EEF1AKMT2: variants seen among roughly 807,000 people sequenced by gnomAD.
EEF1AKMT2 encodes the protein eukaryotic translation elongation factor 1 alpha lysine methyltransferase 2.
EEF1AKMT2 carries 32 observed loss-of-function variants against 35.8 expected under a neutral mutation model. The observed-to-expected ratio is 0.89, with a 90% CI of 0.67 to 1.20. EEF1AKMT2 has a LOEUF of 1.20. Among genes scored for constraint, EEF1AKMT2 ranks in the 50% most tolerant of loss-of-function variants. EEF1AKMT2 has a pLI of 0.00. For synonymous variants in EEF1AKMT2, 121 were observed against 133.7 expected, an observed-to-expected ratio of 0.91 and a Z score of 0.65; for missense variants, 330 against 347.5, an observed-to-expected ratio of 0.95 and a Z score of 0.40.
At chr10:124,775,922 C>CTT (rs1265971518) in intron 3 of EEF1AKMT2, among the ~76,000 whole-genome samples, 2 of 144,824 alleles carry the variant, frequency 1.4e-5, no homozygotes, top group Non-Finnish European at 1.5e-5. Context: ...CCGGTTCCTT[C>CTT]TTTTTTTTTT....
At chr10:124,757,376 G>T (rs1950294989), downstream of EEF1AKMT2, among the ~76,000 whole-genome samples, 1 of 151,482 alleles carries the variant, frequency 6.6e-6, no homozygotes, top group Admixed American at 6.6e-5. Flanking sequence ...GATTTTCATT[G>T]TAGGCTACCA....
rs747074881 is a variant in EEF1AKMT2, at chr10:124,774,657, A to C, written c.399+18T>G. On this transcript the variant is annotated intron_variant, in intron 4 of 6. Coordinates refer to ENST00000368836, the MANE Select transcript of EEF1AKMT2 (RefSeq NM_212554.4). ...TAACCTCTATTGTAAATATTATAGTAATATAAATAATAGTTACCTTTAACT... is the reference window on the plus strand; with the variant it reads ...TAACCTCTATTGTAAATATTATAGTCATATAAATAATAGTTACCTTTAACT... 1.6e-6 allele frequency: 2 copies of C among 1,218,378 alleles called. No homozygotes were observed. Among genetic ancestry groups the C allele is most frequent in the Non-Finnish European group, 2.2e-6 (2 of 917,416 alleles). The allele number at this position is 1,218,378 out of a possible 1,614,324, so 75.5% of individuals were successfully genotyped here.
chr10:124,771,454 C>T (rs1356510496), intron 4 of EEF1AKMT2, among the ~76,000 whole-genome samples: 1 of 152,156 alleles, frequency 6.6e-6, no homozygotes, highest in Non-Finnish European at 1.5e-5. Flanking sequence ...GAATCACTAT[C>T]TATGACATCC....
chr10:124,782,379 G>A (rs888228693), intron 3 of EEF1AKMT2, among the ~76,000 whole-genome samples: 4 of 151,816 alleles, frequency 2.6e-5, no homozygotes, highest in African/African-American at 9.7e-5. Flanking sequence ...TCAGGAGATC[G>A]AGACCATCCT....
rs560570630 is a variant in EEF1AKMT2 at position 124,774,976 on chromosome 10, C to T, written c.292-194G>A. 551 of 241,594 alleles carry T rather than the reference C, an allele frequency of 2.3e-3. 2 individuals are homozygous for T. Among genetic ancestry groups the T allele is most frequent in the African/African-American group, 0.012 (513 of 44,566 alleles). The allele number at this position is 241,594 out of a possible 1,614,324, so 15.0% of individuals were successfully genotyped here. A position where few individuals can be genotyped will look rare whatever the true frequency, so the allele number is the denominator to read the frequency against. On this transcript the variant is annotated intron_variant, in intron 3 of 6. Transcript: ENST00000368836. ...GAAAGTGTATATACTATGACAATAC[C>T]TTTGTTTTCATAATATTTTATCTCT...
intron 3 of EEF1AKMT2, among the ~76,000 whole-genome samples, chr10:124,788,710 T>TTTTATATA (rs1414544581): frequency 2.2e-5 from 2 of 92,576 alleles, no homozygotes; most frequent in African/African-American, 6.7e-5. Context: ...AAGGTCATCT[T>TTTTATATA]TATATATATA....
chr10:124,775,976 G>A (rs938535829), intron 3 of EEF1AKMT2, among the ~76,000 whole-genome samples: 9 of 150,876 alleles, frequency 6.0e-5, no homozygotes, highest in African/African-American at 2.0e-4. Flanking sequence ...GCAATGCAGT[G>A]GCACGATCTC....
chr10:124,779,760 A>G (rs1163695105), intron 3 of EEF1AKMT2, among the ~76,000 whole-genome samples: 2 of 131,906 alleles, frequency 1.5e-5, no homozygotes, highest in African/African-American at 2.9e-5. Context: ...AAAAAAAAAA[A>G]AAAAAAAAAA....
intron 2 of EEF1AKMT2, among the ~76,000 whole-genome samples, chr10:124,790,050 C>G (rs1421128201): frequency 6.6e-6 from 1 of 152,050 alleles, no homozygotes; most frequent in East Asian, 1.9e-4. Flanking sequence ...CGCCACCATG[C>G]CTGGCTAATT....
intron 3 of EEF1AKMT2, among the ~76,000 whole-genome samples, chr10:124,781,602 A>C (rs1589790585): frequency 1.4e-5 from 2 of 141,504 alleles, no homozygotes; most frequent in African/African-American, 5.2e-5. Context: ...AAAAAAAAAA[A>C]GATTCTATAT....
chr10:124,772,328 CT>C (rs1245047778), intron 4 of EEF1AKMT2, among the ~76,000 whole-genome samples: 10 of 151,932 alleles, frequency 6.6e-5, no homozygotes, highest in Non-Finnish European at 1.3e-4. Context: ...TGGTTATTTC[CT>C]AGCTAACTTG....
chr10:124,771,123 A>G lies in EEF1AKMT2; in HGVS notation c.399+3552T>C, dbSNP rs1055399277. On this transcript the variant is annotated intron_variant, in intron 4 of 6. Transcript: ENST00000368836. ...CTTTTTTCTTTTTTTTTTTTGAGACAGAGTCTTGCTCTGTCGCCCAGGCTG... is the reference window on the plus strand; with the variant it reads ...CTTTTTTCTTTTTTTTTTTTGAGACGGAGTCTTGCTCTGTCGCCCAGGCTG... Among the ~76,000 whole-genome samples, 9 of 150,856 alleles carry G rather than the reference A, an allele frequency of 6.0e-5. No homozygotes were observed. In the East Asian group the frequency reaches 1.4e-3, roughly 23 times the overall value.
At chr10:124,765,642 T>C (rs754174607) in intron 4 of EEF1AKMT2, 34 bp from the exon 5 acceptor site, 1 of 1,532,346 alleles carries the variant, frequency 6.5e-7, no homozygotes, top group African/African-American at 1.4e-5. Context: ...GTGAGAACAA[T>C]TAAAACAAAA....
chr10:124,779,913 A>G (rs530571602), intron 3 of EEF1AKMT2, among the ~76,000 whole-genome samples: 1 of 151,378 alleles, frequency 6.6e-6, no homozygotes, highest in Admixed American at 6.6e-5. Flanking sequence ...AATACAAAAA[A>G]TTAGCCAGGC....
At chr10:124,772,551 C>T (rs1843089772) in intron 4 of EEF1AKMT2, among the ~76,000 whole-genome samples, 1 of 151,506 alleles carries the variant, frequency 6.6e-6, no homozygotes, top group South Asian at 2.1e-4. Context: ...ACCTCAGCCT[C>T]CCAAGTAGCT....
In EEF1AKMT2 at chr10:124,791,788, G is replaced by GCGCCGCCACCGCAGCGCCAC. The variant is rs1453845212; in HGVS notation, c.26_45dup (p.Arg16ValfsTer57). The GCGCCGCCACCGCAGCGCCAC allele has an allele frequency of 1.9e-5, 31 of 1,592,306 alleles. No individual in the cohort carries two copies. Among genetic ancestry groups the GCGCCGCCACCGCAGCGCCAC allele is most frequent in the Non-Finnish European group, 2.6e-5 (30 of 1,174,198 alleles). On this transcript the variant is annotated frameshift_variant, in exon 1 of 7. Transcript: ENST00000368836. LOFTEE classifies it high-confidence loss of function. ...TCCCCGGGACTGCCCTTGTCCGACC[G>GCGCCGCCACCGCAGCGCCAC]CGCCGCCACCGCAGCGCCACCGCCG...
intron 6 of EEF1AKMT2, among the ~76,000 whole-genome samples, 182 bp downstream of exon 6, chr10:124,762,118 A>C (rs1950336706): frequency 1.3e-5 from 2 of 152,224 alleles, no homozygotes; most frequent in Admixed American, 1.3e-4. Context: ...GGCCGGGTGC[A>C]ATGGCTCAGG....
At chr10:124,757,166 CCACACACACACA>C (rs55709011), downstream of EEF1AKMT2, among the ~76,000 whole-genome samples, 4 of 143,174 alleles carry the variant, frequency 2.8e-5, no homozygotes, top group African/African-American at 1.0e-4. Context: ...ACACTCCCTC[CCACACACACACA>C]CACACACACA....
At chr10:124,778,060 G>A (rs543398574) in intron 3 of EEF1AKMT2, among the ~76,000 whole-genome samples, 87 of 151,482 alleles carry the variant, frequency 5.7e-4, no homozygotes, top group African/African-American at 2.0e-3. Context: ...GCGTGGTGGC[G>A]GGTGCCTGTA....
Sources: allele counts gnomAD v4.1 joint callset (sites outside exome capture counted in the v4.1 genomes callset), GRCh38; gene constraint gnomAD v4.1.1; transcripts MANE v1.5; gene names NCBI Gene and HGNC (gene_info 2026-07-23, HGNC 2026-07-21).